The following UNC5C variants were observed in gnomAD, a reference collection of about 807,000 sequenced individuals.
UNC5C encodes netrin receptor UNC5C.
UNC5C carries 47 observed loss-of-function variants against 99.8 expected under a neutral mutation model. The ratio of observed to expected loss-of-function variants is 0.47; its 90% CI spans 0.37 to 0.60. The LOEUF (loss-of-function observed/expected upper bound fraction) is 0.60, where lower values mean the gene tolerates loss of function less well. UNC5C is among the 20% of genes least tolerant of loss of function. UNC5C has a pLI of 0.00. For synonymous variants in UNC5C, 487 were observed against 452.2 expected (o/e 1.08, Z -0.98); for missense variants, 1,062 against 1,165.9 (o/e 0.91, Z 1.30).
At chr4:95,444,353 C>T (rs1445509838) in intron 1 of UNC5C, among the ~76,000 whole-genome samples, 1 of 141,256 alleles carries the variant, frequency 7.1e-6, no homozygotes, top group Non-Finnish European at 1.5e-5. Flanking sequence ...TTTTTTGAGA[C>T]GGAGTCTCGC....
chr4:95,262,179 G>A (rs371484002), intron 4 of UNC5C, among the ~76,000 whole-genome samples: 1 of 152,232 alleles, frequency 6.6e-6, no homozygotes. Context: ...ATAAGGGACT[G>A]TAATAACTGG....
chr4:95,237,774 G>A (rs774096704), intron 7 of UNC5C, among the ~76,000 whole-genome samples: 6 of 152,132 alleles, frequency 3.9e-5, no homozygotes, highest in Non-Finnish European at 5.9e-5. Context: ...CAGACCCGGC[G>A]CAGTGGCTCA....
chr4:95,269,737 A>T (rs1031509626), intron 4 of UNC5C, among the ~76,000 whole-genome samples: 4 of 150,486 alleles, frequency 2.7e-5, no homozygotes, highest in Non-Finnish European at 5.9e-5. Context: ...AATGAGACCG[A>T]GTTTCACTCT....
intron 1 of UNC5C, among the ~76,000 whole-genome samples, chr4:95,514,957 C>T (rs1722175805): frequency 6.6e-6 from 1 of 152,044 alleles, no homozygotes; most frequent in Non-Finnish European, 1.5e-5. Context: ...CAGCCATGAG[C>T]CACCATGCCT....
chr4:95,175,670 C>G (rs1168587115), intron 14 of UNC5C, among the ~76,000 whole-genome samples: 1 of 152,110 alleles, frequency 6.6e-6, no homozygotes, highest in African/African-American at 2.4e-5. Context: ...TCTGGCTGCC[C>G]TTAACATTTT....
At chr4:95,337,997 ATCAC>A (rs1197962029) in intron 1 of UNC5C, among the ~76,000 whole-genome samples, 4 of 152,036 alleles carry the variant, frequency 2.6e-5, no homozygotes, top group African/African-American at 9.6e-5. Context: ...AATATGGCAT[ATCAC>A]TTCTATTACT....
chr4:95,276,830 A>T (rs1171676254), intron 4 of UNC5C, among the ~76,000 whole-genome samples: 1 of 152,104 alleles, frequency 6.6e-6, no homozygotes, highest in East Asian at 1.9e-4. Context: ...TGCCAAATTA[A>T]GGCAAAAAAA....
chr4:95,215,920 C>A, intron 10 of UNC5C: 1 of 437,016 alleles, frequency 2.3e-6, no homozygotes, highest in Non-Finnish European at 4.1e-6. Flanking sequence ...AGCCTTCTAC[C>A]CATATTCAAG....
At chr4:95,334,837 A>T (rs1373502487) in intron 2 of UNC5C, among the ~76,000 whole-genome samples, 3 of 151,984 alleles carry the variant, frequency 2.0e-5, no homozygotes, top group African/African-American at 4.8e-5. Context: ...TCTTCTGTTC[A>T]TGAATCCTAC....
At chr4:95,527,391 C>T (rs1018778491) in intron 1 of UNC5C, among the ~76,000 whole-genome samples, 15 of 152,162 alleles carry the variant, frequency 9.9e-5, no homozygotes, top group Non-Finnish European at 2.2e-4. Context: ...TATACAACTG[C>T]AAATCAGGAC....
intron 1 of UNC5C, among the ~76,000 whole-genome samples, chr4:95,384,983 A>T (rs1745173171): frequency 6.6e-6 from 1 of 151,816 alleles, no homozygotes; most frequent in Non-Finnish European, 1.5e-5. Context: ...GGACAGGGTT[A>T]AAAAGGAGAA....
At chr4:95,386,209 C>T (rs576591063) in intron 1 of UNC5C, among the ~76,000 whole-genome samples, 4 of 152,016 alleles carry the variant, frequency 2.6e-5, no homozygotes, top group African/African-American at 9.6e-5. Context: ...TTCTTTGACA[C>T]AACTTTTTTT....
intron 5 of UNC5C, among the ~76,000 whole-genome samples, chr4:95,245,659 A>G (rs902386246): frequency 1.3e-5 from 2 of 152,342 alleles, no homozygotes; most frequent in African/African-American, 4.8e-5. Flanking sequence ...AAAAAATAAA[A>G]TCTTACAGTA....
rs112635861 is a variant in UNC5C, at chr4:95,260,844, A to G, written c.595-10177T>C. Among the ~76,000 whole-genome samples the G allele has an allele frequency of 5.7e-3, 875 of 152,256 alleles. 9 individuals are homozygous for G. Among genetic ancestry groups the G allele is most frequent in the African/African-American group, 0.019 (773 of 41,554 alleles). On this transcript the variant is annotated intron_variant, in intron 4 of 15. Coordinates refer to ENST00000453304, the MANE Select transcript of UNC5C (RefSeq NM_003728.4). ...AGAAGTTGCCCAAGGGTAAAAAAGGAGAAAAACAAGAAGCTTGTATGGTGC... is the reference window on the plus strand; with the variant it reads ...AGAAGTTGCCCAAGGGTAAAAAAGGGGAAAAACAAGAAGCTTGTATGGTGC...
chr4:95,426,322 T>C (rs1030381091), intron 1 of UNC5C, among the ~76,000 whole-genome samples: 1 of 152,232 alleles, frequency 6.6e-6, no homozygotes, highest in African/African-American at 2.4e-5. Flanking sequence ...ACCAATGTTA[T>C]GTGTTTTCTG....
intron 2 of UNC5C, among the ~76,000 whole-genome samples, chr4:95,334,939 A>G (rs954169595): frequency 2.0e-5 from 3 of 152,050 alleles, no homozygotes; most frequent in Non-Finnish European, 4.4e-5. Context: ...AGTATAAGAT[A>G]CTTTGAATCT....
chr4:95,512,495 T>C (rs1722102174), intron 1 of UNC5C, among the ~76,000 whole-genome samples: 2 of 152,160 alleles, frequency 1.3e-5, no homozygotes, highest in South Asian at 4.1e-4. Flanking sequence ...AGAGAGTTCA[T>C]GTATAAAATA....
At chr4:95,300,287 G>A (rs532729581) in intron 3 of UNC5C, among the ~76,000 whole-genome samples, 1 of 152,312 alleles carries the variant, frequency 6.6e-6, no homozygotes, top group South Asian at 2.1e-4. Context: ...CCCTCGTGGT[G>A]ATAACATGCA....
intron 1 of UNC5C, among the ~76,000 whole-genome samples, chr4:95,496,853 C>G (rs1392907612): frequency 1.3e-5 from 2 of 151,734 alleles, no homozygotes; most frequent in Non-Finnish European, 2.9e-5. Context: ...CTTCCCCTCC[C>G]ACCCACCAAA....
Sources: allele counts gnomAD v4.1 joint callset (sites outside exome capture counted in the v4.1 genomes callset), GRCh38; gene constraint gnomAD v4.1.1; transcripts MANE v1.5; gene names NCBI Gene and HGNC (gene_info 2026-07-23, HGNC 2026-07-21).